The following MN1 variants were observed in gnomAD, a reference collection of about 807,000 sequenced individuals.
MN1 encodes the protein MN1 proto-oncogene, transcriptional regulator.
A neutral mutation model predicts 86.9 loss-of-function variants in MN1; 19 were observed. That is an observed-to-expected ratio of 0.22 (90% CI 0.15 to 0.32). MN1 has a LOEUF of 0.32. MN1 is among the 10% of genes least tolerant of loss of function. MN1 has a pLI of 1.00. For missense variants in MN1, 1,841 were observed against 1,862.0 expected (o/e 0.99, Z 0.21); for synonymous variants, 928 against 849.6 (o/e 1.09, Z -1.60).
At chr22:27,756,880 CA>C (rs1932805300) in intron 1 of MN1, among the ~76,000 whole-genome samples, 1 of 152,166 alleles carries the variant, frequency 6.6e-6, no homozygotes, top group South Asian at 2.1e-4. Flanking sequence ...CTCATCCTCC[CA>C]AGTAGCTGGG....
intron 1 of MN1, among the ~76,000 whole-genome samples, chr22:27,790,690 G>A (rs537042054): frequency 2.0e-5 from 3 of 151,824 alleles, no homozygotes; most frequent in Admixed American, 6.6e-5. Flanking sequence ...GGGTAGGTGG[G>A]GGGGGAGTAA....
intron 1 of MN1, among the ~76,000 whole-genome samples, chr22:27,791,085 A>T (rs1364680830): frequency 1.3e-5 from 2 of 152,184 alleles, no homozygotes; most frequent in South Asian, 2.1e-4. Flanking sequence ...TCGGCCATGC[A>T]TATGTATATA....
At chr22:27,781,157 C>T (rs983067866) in intron 1 of MN1, among the ~76,000 whole-genome samples, 5 of 152,184 alleles carry the variant, frequency 3.3e-5, no homozygotes, top group Admixed American at 3.3e-4. Context: ...TCTCGAACTC[C>T]TGGGCTCAAG....
At chr22:27,792,547 G>A (rs963626977) in intron 1 of MN1, among the ~76,000 whole-genome samples, 1 of 151,766 alleles carries the variant, frequency 6.6e-6, no homozygotes, top group Non-Finnish European at 1.5e-5. Context: ...TTTATGTCAG[G>A]AGGCGGGCAA....
intron 1 of MN1, among the ~76,000 whole-genome samples, chr22:27,778,433 G>A (rs566369459): frequency 2.6e-4 from 40 of 152,272 alleles, no homozygotes; most frequent in African/African-American, 9.6e-4. Flanking sequence ...ACAGGGGGAC[G>A]CCCACTCCTC....
chr22:27,753,558 G>A (rs1932782954), intron 1 of MN1, among the ~76,000 whole-genome samples: 1 of 152,220 alleles, frequency 6.6e-6, no homozygotes, highest in Non-Finnish European at 1.5e-5. Flanking sequence ...ACTACTTCCT[G>A]GGGCCCAGCT....
At chr22:27,758,144 G>T (rs1465718818) in intron 1 of MN1, among the ~76,000 whole-genome samples, 4 of 152,048 alleles carry the variant, frequency 2.6e-5, no homozygotes, top group Non-Finnish European at 5.9e-5. Context: ...TGGCTCCCCA[G>T]TGCCTCGCAG....
Position 27,798,348 on chromosome 22 carries a change from C to T in MN1, c.2196G>A (p.Pro732=), listed in dbSNP as rs1468511726. The T allele has an allele frequency of 2.0e-6, 3 of 1,504,648 alleles. No homozygotes were observed. The highest frequency in any genetic ancestry group is 2.6e-6 in the Non-Finnish European group (3 of 1,136,068). 93.2% of individuals were successfully genotyped at this position (1,504,648 alleles called of 1,614,324 possible). The part of the protein sequence containing the change: ...PSAASERRPP[P]PDFATSALGG... Reference sequence around the variant, plus strand: ...CGAGCGCAGACGTAGCAAAGTCCGGCGGCGGGGGCCGGCGCTCCGAAGCAG... The same window carrying T: ...CGAGCGCAGACGTAGCAAAGTCCGGTGGCGGGGGCCGGCGCTCCGAAGCAG... Residue 732 remains proline (P), a synonymous_variant, in exon 1 of 2, where the codon CCG becomes CCA. Transcript: ENST00000302326.
At chr22:27,768,077 A>G (rs116776705) in intron 1 of MN1, among the ~76,000 whole-genome samples, 100 of 152,206 alleles carry the variant, frequency 6.6e-4, no homozygotes, top group African/African-American at 2.4e-3. Context: ...CCACACCAGA[A>G]AGAGAGACAG....
In MN1 at chr22:27,798,198, C is replaced by CCCGCCACCG; in HGVS notation, c.2337_2345dup (p.Gly781_Gly783dup). ...AATCAGGCTGCGGCGGGTAGGCACC[C>CCCGCCACCG]CCGCCACCGCCGCCACCAGAGCTGC... On this transcript the variant is annotated inframe_insertion, in exon 1 of 2. Coordinates refer to ENST00000302326, the MANE Select transcript of MN1 (RefSeq NM_002430.3). 1 of 1,533,546 alleles carries CCCGCCACCG rather than the reference C, an allele frequency of 6.5e-7. No individual in the cohort carries two copies. The highest frequency in any genetic ancestry group is 8.7e-7 in the Non-Finnish European group (1 of 1,148,890). The allele number at this position is 1,533,546 out of a possible 1,614,324, so 95.0% of individuals were successfully genotyped here.
rs1253555397 is a variant in MN1 at position 27,749,703 on chromosome 22, C to A, written c.*1212G>T. ...AAAGGCGCAGGAATCAAAGTCATTTCATTCTATTCTCTTTCTCTGTCCTCT... is the reference window on the plus strand; with the variant it reads ...AAAGGCGCAGGAATCAAAGTCATTTAATTCTATTCTCTTTCTCTGTCCTCT... On this transcript the variant is annotated 3_prime_UTR_variant, in exon 2 of 2. Transcript: ENST00000302326. 1 of 231,520 alleles carries A rather than the reference C, an allele frequency of 4.3e-6. No individual in the cohort carries two copies. Among genetic ancestry groups the A allele is most frequent in the Non-Finnish European group, 8.5e-6 (1 of 117,054 alleles). The allele number at this position is 231,520 out of a possible 1,614,324, so 14.3% of individuals were successfully genotyped here.
In MN1 at chr22:27,797,533, G is replaced by C. The variant is rs1171082712; in HGVS notation, c.3011C>G (p.Ala1004Gly). Residue 1004 changes from alanine to glycine, a missense_variant, in exon 1 of 2, where the codon GCG (alanine) becomes GGG (glycine). Coordinates refer to ENST00000302326, the MANE Select transcript of MN1 (RefSeq NM_002430.3). ...CTTCCCCCAGGATGGCGACGTGAGC[G>C]CCTTTTCGTGGGGCGTCGGTGCCCC... ...TRGAPTPHEKALTSPSWGKGA... is the reference protein window; with the variant it reads ...TRGAPTPHEKGLTSPSWGKGA... 6.2e-7 allele frequency: 1 copy of C among 1,608,098 alleles called. No homozygotes were observed. Among genetic ancestry groups the C allele is most frequent in the East Asian group, 2.2e-5 (1 of 44,808 alleles).
At chr22:27,783,868 C>T (rs16985561) in intron 1 of MN1, among the ~76,000 whole-genome samples, 9,037 of 151,726 alleles carry the variant, frequency 0.06, 394 homozygotes, top group East Asian at 0.16. Context: ...AATATCTCCA[C>T]GTACACACAC....
At chr22:27,788,835 C>T (rs572777291) in intron 1 of MN1, among the ~76,000 whole-genome samples, 25 of 152,194 alleles carry the variant, frequency 1.6e-4, no homozygotes, top group Non-Finnish European at 3.5e-4. Context: ...TCAACTTTGA[C>T]GCAGAGAGAT....
chr22:27,761,725 G>T (rs1404776187), intron 1 of MN1, among the ~76,000 whole-genome samples: 1 of 152,224 alleles, frequency 6.6e-6, no homozygotes, highest in Non-Finnish European at 1.5e-5. Context: ...AGGCCCCCCC[G>T]TTCCAGGCCC....
At chr22:27,789,491 C>T (rs931259354) in intron 1 of MN1, among the ~76,000 whole-genome samples, 2 of 152,208 alleles carry the variant, frequency 1.3e-5, no homozygotes, top group East Asian at 1.9e-4. Context: ...CTTCTGGGCA[C>T]ATAGTTGATC....
chr22:27,794,199 T>C (rs1418149789), intron 1 of MN1, among the ~76,000 whole-genome samples: 1 of 152,218 alleles, frequency 6.6e-6, no homozygotes, highest in Non-Finnish European at 1.5e-5. Flanking sequence ...GAAAGCTCTG[T>C]GTACCTATTT....
intron 1 of MN1, among the ~76,000 whole-genome samples, chr22:27,783,496 G>A (rs919656316): frequency 2.0e-5 from 3 of 152,136 alleles, no homozygotes; most frequent in South Asian, 2.1e-4. Flanking sequence ...TGGTCTGCAC[G>A]AGGCTTAGCC....
chr22:27,795,183 C>G (rs542387824), intron 1 of MN1, among the ~76,000 whole-genome samples: 2 of 152,268 alleles, frequency 1.3e-5, no homozygotes, highest in South Asian at 4.1e-4. Flanking sequence ...TGCTAAACAC[C>G]CGGCTTCAAA....
Sources: gnomAD v4.1 joint callset for allele counts (sites outside exome capture counted in the v4.1 genomes callset) on GRCh38, gnomAD v4.1.1 for gene constraint, MANE v1.5 for transcripts, NCBI Gene and HGNC (gene_info 2026-07-23, HGNC 2026-07-21) for gene names.